The following CTNNA2 variants were observed in gnomAD, a reference collection of about 807,000 sequenced individuals.
CTNNA2 encodes catenin alpha-2.
Under a neutral mutation model 101.0 loss-of-function variants are expected in CTNNA2, and 42 were observed. The observed-to-expected ratio is 0.42, with a 90% CI of 0.32 to 0.54. The LOEUF is 0.54. Ranked by LOEUF, CTNNA2 falls within the 20% of genes least tolerant of loss-of-function variation. The pLI, the probability that CTNNA2 is intolerant of heterozygous loss-of-function variation, is 0.14. For missense variants in CTNNA2, 871 were observed against 1,223.1 expected (o/e 0.71, Z 4.29); for synonymous variants, 450 against 456.4 (o/e 0.99, Z 0.18).
chr2:79,562,903 G>A (rs2104143202), intron 1 of CTNNA2, among the ~76,000 whole-genome samples: 1 of 152,036 alleles, frequency 6.6e-6, no homozygotes, highest in Non-Finnish European at 1.5e-5. Flanking sequence ...GTGTGTCTGT[G>A]TGTGACAGAG....
chr2:79,238,687 A>C (rs1674587140), intron 2 of CTNNA2, among the ~76,000 whole-genome samples: 1 of 152,224 alleles, frequency 6.6e-6, no homozygotes. Context: ...GATAAGCATA[A>C]GAAAGAATGT....
At position 80,141,898 on chromosome 2, in the gene CTNNA2, C is replaced by T. The variant is rs530691021; in HGVS notation, c.1056+232101C>T. Among the ~76,000 whole-genome samples the T allele has an allele frequency of 2.7e-5, 4 of 147,396 alleles. No individual in the cohort carries two copies. The East Asian group carries it at 6.0e-4, about 22-fold the overall frequency. On this transcript the variant is annotated intron_variant, in intron 7 of 18. Coordinates refer to ENST00000402739, the MANE Select transcript of CTNNA2 (RefSeq NM_001282597.3). Reference sequence around the variant, plus strand: ...AGACAGGGTCTCACTCTAAAGATAACGTCTTAACATATGTCCCTGAGTTGT... The same window carrying T: ...AGACAGGGTCTCACTCTAAAGATAATGTCTTAACATATGTCCCTGAGTTGT...
chr2:80,468,781 T>C (rs1254103949), intron 9 of CTNNA2, among the ~76,000 whole-genome samples: 1 of 152,194 alleles, frequency 6.6e-6, no homozygotes, highest in African/African-American at 2.4e-5. Flanking sequence ...CACATTGAGA[T>C]GATGATTATC....
intron 4 of CTNNA2, among the ~76,000 whole-genome samples, chr2:79,447,201 T>A (rs1562890): frequency 0.021 from 3,194 of 152,088 alleles, 54 homozygotes; most frequent in African/African-American, 0.04. Context: ...TTGAGCTTTG[T>A]TTTTCTCCTA....
chr2:80,234,925 G>A (rs1709463819), intron 7 of CTNNA2, among the ~76,000 whole-genome samples: 2 of 151,990 alleles, frequency 1.3e-5, no homozygotes, highest in East Asian at 3.9e-4. Context: ...ACAAATAAAT[G>A]GGTGTGGCTG....
chr2:80,362,428 C>T (rs1674501653), intron 7 of CTNNA2, among the ~76,000 whole-genome samples: 1 of 152,100 alleles, frequency 6.6e-6, no homozygotes, highest in South Asian at 2.1e-4. Context: ...TACCCTTACA[C>T]ATCTTAGGAA....
At chr2:79,525,131 C>G (rs540763836) in intron 1 of CTNNA2, among the ~76,000 whole-genome samples, 1 of 151,884 alleles carries the variant, frequency 6.6e-6, no homozygotes, top group Non-Finnish European at 1.5e-5. Flanking sequence ...TGTGCTAATA[C>G]GAGACCTTCA....
In CTNNA2 at chr2:79,586,085, A is replaced by G. The variant is rs79691592; in HGVS notation, c.-5-65467A>G. Among the ~76,000 whole-genome samples, 224 of 152,244 alleles carry G rather than the reference A, an allele frequency of 1.5e-3. 4 individuals are homozygous for G. In the East Asian group the frequency reaches 0.038, roughly 26 times the overall value. ...GTCTGAAACCGACCCATGGAGGGAA[A>G]TGGAACCCCTGAAGGGGTTGTTGGC... On this transcript the variant is annotated intron_variant, in intron 1 of 18. Transcript: ENST00000402739.
rs66471325 is a variant in CTNNA2 at position 79,956,843 on chromosome 2, G to GTTTTTTTTTTT, written c.1056+47061_1056+47071dup. Reference sequence around the variant, plus strand: ...TTTCATTTACTATGAATACGTGTGGGTTTTTTTTTTTTTTTTTTTTTTTTT... The same window carrying GTTTTTTTTTTT: ...TTTCATTTACTATGAATACGTGTGGGTTTTTTTTTTTTTTTTTTTTTTTTTTTTTTTTTTTT... On this transcript the variant is annotated intron_variant, in intron 7 of 18. Coordinates refer to ENST00000402739, the MANE Select transcript of CTNNA2 (RefSeq NM_001282597.3). Among the ~76,000 whole-genome samples, 360 of 98,876 alleles carry GTTTTTTTTTTT rather than the reference G, an allele frequency of 3.6e-3. 43 individuals carry two copies. Among genetic ancestry groups the GTTTTTTTTTTT allele is most frequent in the African/African-American group, 0.016 (347 of 21,324 alleles). 64.9% of individuals were successfully genotyped at this position (98,876 alleles called of 152,430 possible). A position where few individuals can be genotyped will look rare whatever the true frequency, so the allele number is the denominator to read the frequency against.
intron 7 of CTNNA2, among the ~76,000 whole-genome samples, chr2:80,020,571 A>G (rs982837472): frequency 6.6e-6 from 1 of 152,204 alleles, no homozygotes; most frequent in African/African-American, 2.4e-5. Context: ...ACAATATAAT[A>G]TTTAAGTAGT....
chr2:80,604,867 G>A (rs1406460100), intron 16 of CTNNA2, among the ~76,000 whole-genome samples: 2 of 151,910 alleles, frequency 1.3e-5, no homozygotes, highest in African/African-American at 2.4e-5. Flanking sequence ...AGGGGCATTT[G>A]GAGATCAAAG....
chr2:80,618,986 C>T (rs567739159), intron 17 of CTNNA2, 99 bp from the exon 18 acceptor site: 4 of 688,830 alleles, frequency 5.8e-6, no homozygotes, highest in African/African-American at 1.8e-5. Flanking sequence ...TTACCCATTC[C>T]CTCTTCCACT....
intron 17 of CTNNA2, among the ~76,000 whole-genome samples, chr2:80,614,759 T>G (rs900266797): frequency 7.9e-5 from 12 of 151,442 alleles, no homozygotes; most frequent in African/African-American, 2.7e-4. Context: ...CTCCCCAGTT[T>G]TGAACCAGTT....
intron 1 of CTNNA2, among the ~76,000 whole-genome samples, chr2:79,591,083 C>G (rs1473047507): frequency 3.3e-5 from 5 of 151,986 alleles, no homozygotes; most frequent in African/African-American, 1.2e-4. Flanking sequence ...ATTCAAATGT[C>G]CAGGCTAAGA....
intron 1 of CTNNA2, among the ~76,000 whole-genome samples, chr2:79,613,481 A>G (rs943955571): frequency 6.6e-6 from 1 of 152,056 alleles, no homozygotes; most frequent in African/African-American, 2.4e-5. Context: ...ATTGAATCAG[A>G]TCTACTGTGT....
chr2:80,613,366 A>T (rs1378184753), intron 17 of CTNNA2, among the ~76,000 whole-genome samples: 1 of 151,398 alleles, frequency 6.6e-6, no homozygotes, highest in East Asian at 1.9e-4. Flanking sequence ...GAGTGTTAAA[A>T]GTGACAGTTT....
chr2:79,819,063 C>T (rs1036076619), intron 3 of CTNNA2, among the ~76,000 whole-genome samples: 2 of 150,594 alleles, frequency 1.3e-5, no homozygotes, highest in Non-Finnish European at 3.0e-5. Context: ...CACTGCAACC[C>T]CTGCCTCCCA....
intron 1 of CTNNA2, among the ~76,000 whole-genome samples, chr2:79,626,139 G>A (rs1337261464): frequency 6.6e-6 from 1 of 152,188 alleles, no homozygotes; most frequent in African/African-American, 2.4e-5. Context: ...CTAACCAGAA[G>A]TTGAATCCTA....
At chr2:80,104,127 G>A (rs531213445) in intron 7 of CTNNA2, among the ~76,000 whole-genome samples, 1 of 152,092 alleles carries the variant, frequency 6.6e-6, no homozygotes, top group Non-Finnish European at 1.5e-5. Flanking sequence ...AATCTCTCAG[G>A]CATGTTGGGG....
Sources: allele counts gnomAD v4.1 joint callset (sites outside exome capture counted in the v4.1 genomes callset), GRCh38; gene constraint gnomAD v4.1.1; transcripts MANE v1.5; gene names NCBI Gene and HGNC (gene_info 2026-07-23, HGNC 2026-07-21).